The following SLC45A4 variants were observed in gnomAD, a reference collection of about 807,000 sequenced individuals.
SLC45A4 encodes the protein polyamine-transporter SLC45A4.
A neutral mutation model predicts 63.7 loss-of-function variants in SLC45A4; 32 were observed. The ratio of observed to expected loss-of-function variants is 0.50; its 90% CI spans 0.38 to 0.67. SLC45A4 has a LOEUF of 0.67. Ranked by LOEUF, SLC45A4 falls within the 30% of genes least tolerant of loss-of-function variation. SLC45A4 has a pLI of 0.00. For missense variants in SLC45A4, 1,027 were observed against 1,157.7 expected, an observed-to-expected ratio of 0.89 and a Z score of 1.64; for synonymous variants, 535 against 510.0, an observed-to-expected ratio of 1.05 and a Z score of -0.66.
At chr8:141,281,113 T>C (rs7843477) in intron 1 of SLC45A4, among the ~76,000 whole-genome samples, 45,658 of 151,506 alleles carry the variant, frequency 0.3, 7,236 homozygotes, top group East Asian at 0.49. Flanking sequence ...CTGAGGCGGG[T>C]GGATCACCTG....
At chr8:141,249,368 C>G (rs145390061) in intron 2 of SLC45A4, among the ~76,000 whole-genome samples, 231 of 152,324 alleles carry the variant, frequency 1.5e-3, no homozygotes, top group African/African-American at 5.1e-3. Context: ...CAGGTCCATT[C>G]AGTGGAGTAC....
intron 2 of SLC45A4, among the ~76,000 whole-genome samples, chr8:141,250,129 A>G (rs559817076): frequency 3.4e-4 from 51 of 152,216 alleles, no homozygotes; most frequent in Non-Finnish European, 5.7e-4. Context: ...CAACTTTGGA[A>G]AGCGACCTTC....
Position 141,211,323 on chromosome 8 carries a change from A to G in SLC45A4, c.*249T>C, listed in dbSNP as rs990320196. 1.2e-5 allele frequency: 15 copies of G among 1,243,700 alleles called. No homozygotes were observed. In the African/African-American group the frequency reaches 1.8e-4, roughly 15 times the overall value. 77.0% of individuals were successfully genotyped at this position (1,243,700 alleles called of 1,614,324 possible). A position where few individuals can be genotyped will look rare whatever the true frequency, so the allele number is the denominator to read the frequency against. ...CTTCAGACGGGACGAGCGGGGTCAC[A>G]TGGCTGGGCGCAGACACACTCACAC... On this transcript the variant is annotated 3_prime_UTR_variant, in exon 9 of 9. Coordinates refer to ENST00000517878, the MANE Select transcript of SLC45A4 (RefSeq NM_001286646.2).
At chr8:141,269,937 G>A (rs1266462999) in intron 1 of SLC45A4, among the ~76,000 whole-genome samples, 1 of 152,146 alleles carries the variant, frequency 6.6e-6, no homozygotes, top group Non-Finnish European at 1.5e-5. Context: ...GCAGCCCAGT[G>A]TGCATGCCCC....
chr8:141,300,549 C>T (rs1206252623), intron 1 of SLC45A4, among the ~76,000 whole-genome samples: 2 of 152,262 alleles, frequency 1.3e-5, no homozygotes, highest in African/African-American at 2.4e-5. Flanking sequence ...CACCCCATGG[C>T]CCTGATCCTA....
intron 2 of SLC45A4, among the ~76,000 whole-genome samples, chr8:141,230,684 C>T (rs1372041563): frequency 1.3e-5 from 2 of 152,112 alleles, no homozygotes; most frequent in Non-Finnish European, 2.9e-5. Context: ...GCTGCCCCGG[C>T]ACCTATACCT....
At position 141,278,859 on chromosome 8, in the gene SLC45A4, G is replaced by T. The variant is rs1791443142; in HGVS notation, c.-400-24230C>A. Among the ~76,000 whole-genome samples, 1 of 152,176 alleles carries T rather than the reference G, an allele frequency of 6.6e-6. No individual in the cohort carries two copies. On this transcript the variant is annotated intron_variant, in intron 1 of 8. Transcript: ENST00000517878. The surrounding 1 kb of genome is among the most constrained non-coding windows in gnomAD (Gnocchi z 4.1). ...CTTTGCCCCGGGCTCTGTCCCTACT[G>T]CCCCCAGGCACATTTCACTGCCAGG...
intron 2 of SLC45A4, among the ~76,000 whole-genome samples, chr8:141,232,799 G>C (rs1827431690): frequency 6.6e-6 from 1 of 152,184 alleles, no homozygotes; most frequent in Non-Finnish European, 1.5e-5. Flanking sequence ...GTGGCTCCCA[G>C]GTGAGCGCTC....
Position 141,290,063 on chromosome 8 carries a change from A to G in SLC45A4, c.-401+18033T>C, listed in dbSNP as rs144886351. Among the ~76,000 whole-genome samples, 729 of 152,348 alleles carry G rather than the reference A, an allele frequency of 4.8e-3. 2 individuals carry two copies. The highest frequency in any genetic ancestry group is 0.01 in the Middle Eastern group (3 of 294). On this transcript the variant is annotated intron_variant, in intron 1 of 8. Transcript: ENST00000517878. ...AAAAGCAAAAAACATATTATGTTAC[A>G]TTATGCTAGACAGTACTATCATTAT...
At chr8:141,241,036 G>A (rs560000892) in intron 2 of SLC45A4, among the ~76,000 whole-genome samples, 1 of 152,380 alleles carries the variant, frequency 6.6e-6, no homozygotes, top group Non-Finnish European at 1.5e-5. Flanking sequence ...GGGGCGCTGT[G>A]GGCCTATGGG....
intron 1 of SLC45A4, among the ~76,000 whole-genome samples, chr8:141,285,671 A>G (rs990705178): frequency 6.6e-6 from 1 of 152,232 alleles, no homozygotes; most frequent in African/African-American, 2.4e-5. Context: ...CCGCCCTGGG[A>G]TAACGAGGAC....
chr8:141,245,787 G>A (rs779035317), intron 2 of SLC45A4, among the ~76,000 whole-genome samples: 1 of 152,176 alleles, frequency 6.6e-6, no homozygotes, highest in African/African-American at 2.4e-5. Context: ...CAGCAGCATC[G>A]CAGGCAGTGT....
chr8:141,259,790 G>A (rs989570432), intron 1 of SLC45A4, among the ~76,000 whole-genome samples: 5 of 152,322 alleles, frequency 3.3e-5, no homozygotes, highest in East Asian at 1.9e-4. Flanking sequence ...CAACGTCCAT[G>A]CTTCTTGAAC....
intron 7 of SLC45A4, among the ~76,000 whole-genome samples, chr8:141,214,687 T>C (rs941900224): frequency 2.0e-5 from 3 of 152,196 alleles, no homozygotes; most frequent in Admixed American, 6.5e-5. Context: ...TCAGGACTTA[T>C]TACAAAACTA....
intron 1 of SLC45A4, among the ~76,000 whole-genome samples, chr8:141,287,415 G>A (rs1452401633): frequency 6.6e-6 from 1 of 152,162 alleles, no homozygotes; most frequent in Non-Finnish European, 1.5e-5. Flanking sequence ...CCCACACGCA[G>A]GGCACGGAGC....
Position 141,218,707 on chromosome 8 carries a change from C to T in SLC45A4, c.933G>A (p.Leu311=). 1 of 1,612,718 alleles carries T rather than the reference C, an allele frequency of 6.2e-7. No homozygotes were observed. The highest frequency in any genetic ancestry group is 1.1e-5 in the South Asian group (1 of 91,062). The change falls in exon 5 of 9, where the codon TTG becomes TTA. Residue 311 remains leucine (L), a synonymous_variant. Coordinates refer to ENST00000517878, the MANE Select transcript of SLC45A4 (RefSeq NM_001286646.2). The stretch of plus-strand genomic sequence containing the variant: ...GGTCCAGCGCGGTGTCCGGCACGTG[C>T]AATGCCGAGTCGCTTTTGCTGCGCA... The part of the protein sequence containing the change: ...DIMRSKSDSA[L]HVPDTALDLE...
chr8:141,214,713 C>G (rs76203893), intron 7 of SLC45A4, among the ~76,000 whole-genome samples: 164 of 152,280 alleles, frequency 1.1e-3, no homozygotes, highest in African/African-American at 3.7e-3. Context: ...AGACAGTTGA[C>G]ATTTGTGCAA....
chr8:141,274,361 C>T (rs1279565494), intron 1 of SLC45A4, among the ~76,000 whole-genome samples: 1 of 151,808 alleles, frequency 6.6e-6, no homozygotes, highest in East Asian at 1.9e-4. Flanking sequence ...TGGTAAAACC[C>T]AGTCTCTGTT....
In SLC45A4 at chr8:141,212,617, C is replaced by T. The variant is rs541739901; in HGVS notation, c.1942-61G>A. 8 of 1,510,244 alleles carry T rather than the reference C, an allele frequency of 5.3e-6. No homozygotes were observed. The East Asian group carries it at 1.9e-4, about 36-fold the overall frequency. The allele number at this position is 1,510,244 out of a possible 1,614,324, so 93.6% of individuals were successfully genotyped here. ...GAGAAGGTGGCTGCTACCCGTGCTT[C>T]ACAACTGTGAGTATTAACCCACAAG... On this transcript the variant is annotated intron_variant, in intron 7 of 8. Coordinates refer to ENST00000517878, the MANE Select transcript of SLC45A4 (RefSeq NM_001286646.2).
Sources: gnomAD v4.1 joint callset for allele counts (sites outside exome capture counted in the v4.1 genomes callset) on GRCh38, gnomAD v4.1.1 for gene constraint, Gnocchi (gnomAD v3.1) non-coding constraint, MANE v1.5 for transcripts, NCBI Gene and HGNC (gene_info 2026-07-23, HGNC 2026-07-21) for gene names.